The following TMC1 variants were observed in gnomAD, a reference collection of about 807,000 sequenced individuals.
TMC1 encodes transmembrane channel-like protein 1.
TMC1 carries 84 observed loss-of-function variants against 105.8 expected under a neutral mutation model. The ratio of observed to expected loss-of-function variants is 0.79; its 90% CI spans 0.67 to 0.95. TMC1 has a LOEUF of 0.95. Among genes scored for constraint, TMC1 ranks in the 40% least tolerant of loss-of-function variants. The probability of loss-of-function intolerance (pLI) is 0.00; values close to 1 mark genes in which losing one functional copy is unlikely to be tolerated. For synonymous variants in TMC1, 315 were observed against 311.5 expected, an observed-to-expected ratio of 1.01 and a Z score of -0.12; for missense variants, 817 against 914.1, an observed-to-expected ratio of 0.89 and a Z score of 1.37.
chr9:72,711,695 A>C (rs752215640), intron 8 of TMC1, among the ~76,000 whole-genome samples: 2 of 152,144 alleles, frequency 1.3e-5, no homozygotes, highest in African/African-American at 2.4e-5. Flanking sequence ...TAGATTGCAA[A>C]TATTTTCTCC....
At chr9:72,639,538 G>A (rs1431869302) in intron 4 of TMC1, among the ~76,000 whole-genome samples, 2 of 152,088 alleles carry the variant, frequency 1.3e-5, no homozygotes, top group South Asian at 2.1e-4. Flanking sequence ...AAGATTTTCT[G>A]TGCAGAAGTT....
intron 23 of TMC1, among the ~76,000 whole-genome samples, chr9:72,834,069 C>A (rs1411906230): frequency 1.3e-5 from 2 of 148,490 alleles, no homozygotes; most frequent in Admixed American, 6.7e-5. Flanking sequence ...TATTTTTCAT[C>A]CTTAAATTCC....
chr9:72,713,710 G>A (rs1826872322), intron 8 of TMC1, among the ~76,000 whole-genome samples: 2 of 151,108 alleles, frequency 1.3e-5, no homozygotes, highest in African/African-American at 4.9e-5. Context: ...AAAAAAGCCA[G>A]CTCCTGGATT....
chr9:72,718,712 CG>C (rs1226954707), intron 8 of TMC1, among the ~76,000 whole-genome samples: 2 of 152,054 alleles, frequency 1.3e-5, no homozygotes, highest in East Asian at 3.9e-4. Context: ...TTCAAGAGTA[CG>C]TCAGCTGTGG....
intron 8 of TMC1, among the ~76,000 whole-genome samples, chr9:72,724,134 C>T (rs1827076957): frequency 6.6e-6 from 1 of 152,120 alleles, no homozygotes; most frequent in Admixed American, 6.5e-5. Context: ...ATTTAATTAG[C>T]AAGAATTTAA....
At chr9:72,789,861 G>A (rs1425316361) in intron 15 of TMC1, among the ~76,000 whole-genome samples, 1 of 152,134 alleles carries the variant, frequency 6.6e-6, no homozygotes, top group East Asian at 1.9e-4. Flanking sequence ...GTTTTCATTA[G>A]AAGCCTAACT....
intron 11 of TMC1, 33 bp from the exon 12 acceptor site, chr9:72,754,753 A>G: frequency 6.5e-7 from 1 of 1,534,872 alleles, no homozygotes; most frequent in Non-Finnish European, 9.0e-7. Flanking sequence ...TTTGTTTCTA[A>G]TTGTTCACTG....
chr9:72,646,291 A>C (rs551842544), intron 4 of TMC1, among the ~76,000 whole-genome samples: 1 of 152,282 alleles, frequency 6.6e-6, no homozygotes, highest in East Asian at 1.9e-4. Context: ...CTTAGTATTA[A>C]ATTTTCTGAG....
At chr9:72,808,620 G>T (rs1180969097) in intron 18 of TMC1, among the ~76,000 whole-genome samples, 1 of 152,202 alleles carries the variant, frequency 6.6e-6, no homozygotes, top group African/African-American at 2.4e-5. Flanking sequence ...GTGTTGGCTG[G>T]CTGTTTGAAT....
chr9:72,530,588 TA>T (rs34167245), intron 1 of TMC1, among the ~76,000 whole-genome samples: 55 of 145,720 alleles, frequency 3.8e-4, no homozygotes, highest in African/African-American at 7.8e-4. Flanking sequence ...GACTCCATCT[TA>T]AAAAAAAAAA....
At chr9:72,793,192 A>C (rs777687394) in intron 17 of TMC1, among the ~76,000 whole-genome samples, 14 of 152,130 alleles carry the variant, frequency 9.2e-5, no homozygotes, top group Non-Finnish European at 1.9e-4. Context: ...GCTTCCTGTC[A>C]AAAGTAGCTA....
chr9:72,796,504 C>T (rs1265845856), intron 17 of TMC1, among the ~76,000 whole-genome samples: 2 of 152,144 alleles, frequency 1.3e-5, no homozygotes, highest in Non-Finnish European at 2.9e-5. Flanking sequence ...TTCAGCAGCA[C>T]ATCAAATGGC....
At chr9:72,543,756 T>G (rs1313726203) in intron 1 of TMC1, among the ~76,000 whole-genome samples, 1 of 151,968 alleles carries the variant, frequency 6.6e-6, no homozygotes, top group Non-Finnish European at 1.5e-5. Context: ...TGCTTAATCT[T>G]TTTTTATTTT....
intron 8 of TMC1, among the ~76,000 whole-genome samples, chr9:72,706,673 A>T (rs554066060): frequency 6.6e-6 from 1 of 152,236 alleles, no homozygotes; most frequent in East Asian, 1.9e-4. Context: ...AACATATGAT[A>T]TTTGGTTTTC....
chr9:72,611,414 A>G (rs1825022117), intron 2 of TMC1, among the ~76,000 whole-genome samples: 1 of 152,228 alleles, frequency 6.6e-6, no homozygotes, highest in Non-Finnish European at 1.5e-5. Flanking sequence ...GAAAAAGGCC[A>G]TCGGATTTTA....
At chr9:72,659,800 C>T (rs1342675395) in intron 5 of TMC1, among the ~76,000 whole-genome samples, 4 of 152,138 alleles carry the variant, frequency 2.6e-5, no homozygotes, top group Admixed American at 2.6e-4. Context: ...CTCGTTAGAA[C>T]TTTTATGAGA....
At chr9:72,637,196 T>A (rs571973916) in intron 4 of TMC1, among the ~76,000 whole-genome samples, 175 of 151,956 alleles carry the variant, frequency 1.2e-3, no homozygotes, top group African/African-American at 4.1e-3. Context: ...GGTCAGAAAT[T>A]TCATAGGGCC....
chr9:72,677,900 A>G (rs1158997759), intron 5 of TMC1, among the ~76,000 whole-genome samples: 1 of 152,176 alleles, frequency 6.6e-6, no homozygotes, highest in African/African-American at 2.4e-5. Flanking sequence ...CCTGATGAAT[A>G]AAGTGTGGTG....
In TMC1 at chr9:72,736,188, G is replaced by A. The variant is rs560720140; in HGVS notation, c.363-3931G>A. ...AGAGAAATATGAAACTATACCTAGC[G>A]TCAAGGAAAACTAACAGTAATTGAA... On this transcript the variant is annotated intron_variant, in intron 8 of 23. Coordinates refer to ENST00000297784, the MANE Select transcript of TMC1 (RefSeq NM_138691.3). 1.6e-4 allele frequency among the ~76,000 whole-genome samples: 25 copies of A among 152,224 alleles called. No individual in the cohort carries two copies. In the South Asian group the frequency reaches 4.3e-3, roughly 26 times the overall value.
Sources: gnomAD v4.1 joint callset for allele counts (sites outside exome capture counted in the v4.1 genomes callset) on GRCh38, gnomAD v4.1.1 for gene constraint, MANE v1.5 for transcripts, NCBI Gene and HGNC (gene_info 2026-07-23, HGNC 2026-07-21) for gene names.